Variants in SRBD1 observed in about 807,000 individuals in gnomAD.
The protein encoded by SRBD1 is S1 RNA-binding domain-containing protein 1.
In SRBD1, 88 loss-of-function variants were observed where a neutral mutation model predicts 115.3. That is an observed-to-expected ratio of 0.76 (90% CI 0.64 to 0.91). The LOEUF is 0.91. Ranked by LOEUF, SRBD1 falls within the 40% of genes least tolerant of loss-of-function variation. The pLI, the probability that SRBD1 is intolerant of heterozygous loss-of-function variation, is 0.00. For missense variants in SRBD1, 1,385 were observed against 1,177.4 expected (o/e 1.18, Z -2.58); for synonymous variants, 509 against 407.7 (o/e 1.25, Z -2.99).
Position 45,546,822 on chromosome 2 carries a change from A to T in SRBD1, c.1784T>A (p.Ile595Asn), listed in dbSNP as rs760981015. The T allele has an allele frequency of 1.2e-6, 2 of 1,614,118 alleles. No individual in the cohort carries two copies. Among genetic ancestry groups the T allele is most frequent in the South Asian group, 1.1e-5 (1 of 91,086 alleles). The change falls in exon 14 of 21, where the codon ATT becomes AAT. Residue 595 changes from isoleucine to asparagine, a missense_variant. By Grantham distance (149) the Ile-to-Asn change is moderately radical (BLOSUM62 -3). Transcript: ENST00000263736. Reference protein sequence around the residue: ...LLNFNCSTVVIGNGTACRETE... With the variant: ...LLNFNCSTVVNGNGTACRETE... ...TTCCCTGCAGGCAGTTCCATTTCCA[A>T]TCACTACTGTGCTGCAGCTTCAAGG...
intron 14 of SRBD1, among the ~76,000 whole-genome samples, chr2:45,544,008 A>G (rs575513934): frequency 6.6e-6 from 1 of 152,312 alleles, no homozygotes; most frequent in Admixed American, 6.5e-5. Flanking sequence ...GACTATATTC[A>G]TAAAAGTGCA....
At chr2:45,547,917 G>T (rs1261061535) in intron 12 of SRBD1, among the ~76,000 whole-genome samples, 2 of 152,122 alleles carry the variant, frequency 1.3e-5, no homozygotes, top group Non-Finnish European at 2.9e-5. Context: ...AACACTAACT[G>T]AATTGTTAGT....
At chr2:45,548,508 T>C (rs1229690953) in intron 12 of SRBD1, among the ~76,000 whole-genome samples, 1 of 152,094 alleles carries the variant, frequency 6.6e-6, no homozygotes, top group East Asian at 1.9e-4. Context: ...CTTAAGAATA[T>C]AGATGTGTTT....
intron 19 of SRBD1, among the ~76,000 whole-genome samples, chr2:45,396,281 A>G (rs888589651): frequency 1.3e-5 from 2 of 152,182 alleles, no homozygotes; most frequent in African/African-American, 4.8e-5. Context: ...AGAAAATAAT[A>G]CTTTTAGTAA....
chr2:45,593,414 T>C (rs912074320), intron 4 of SRBD1, among the ~76,000 whole-genome samples: 3 of 152,168 alleles, frequency 2.0e-5, no homozygotes, highest in South Asian at 2.1e-4. Flanking sequence ...CAATGAATTA[T>C]GGGGGGCGGT....
chr2:45,593,316 T>C (rs970825171), intron 4 of SRBD1, among the ~76,000 whole-genome samples: 14 of 152,162 alleles, frequency 9.2e-5, no homozygotes, highest in African/African-American at 1.9e-4. Flanking sequence ...ACAAGCTATA[T>C]AACCTCTTCA....
intron 7 of SRBD1, among the ~76,000 whole-genome samples, chr2:45,576,891 A>G (rs1260271830): frequency 6.6e-6 from 1 of 152,236 alleles, no homozygotes; most frequent in Non-Finnish European, 1.5e-5. Flanking sequence ...ATCCCCCATC[A>G]TAAGAGGGGA....
chr2:45,587,182 TA>T (rs1319636294), intron 4 of SRBD1, among the ~76,000 whole-genome samples: 3 of 145,532 alleles, frequency 2.1e-5, no homozygotes, highest in Admixed American at 6.9e-5. Flanking sequence ...TTAAAATATT[TA>T]AAAATTTTTA....
intron 10 of SRBD1, among the ~76,000 whole-genome samples, chr2:45,559,856 G>A (rs1364203940): frequency 6.6e-6 from 1 of 152,148 alleles, no homozygotes; most frequent in Admixed American, 6.5e-5. Flanking sequence ...GGAAGTTGGT[G>A]GATCACTTGA....
intron 19 of SRBD1, among the ~76,000 whole-genome samples, chr2:45,398,208 C>T (rs894957773): frequency 2.6e-5 from 4 of 151,896 alleles, no homozygotes; most frequent in Admixed American, 2.6e-4. Flanking sequence ...AAAATGTAAC[C>T]CCTTCAGAAA....
At chr2:45,542,249 C>A (rs796283919) in intron 14 of SRBD1, among the ~76,000 whole-genome samples, 18 of 152,376 alleles carry the variant, frequency 1.2e-4, no homozygotes, top group African/African-American at 4.3e-4. Flanking sequence ...CAGGTCGCAA[C>A]AGTGCCTAGG....
chr2:45,394,918 T>C (rs979611699), intron 19 of SRBD1, among the ~76,000 whole-genome samples: 1 of 152,198 alleles, frequency 6.6e-6, no homozygotes, highest in Non-Finnish European at 1.5e-5. Flanking sequence ...GATAACACTG[T>C]AAGTCTGTAT....
chr2:45,491,285 T>G (rs1670284489), intron 14 of SRBD1, among the ~76,000 whole-genome samples: 1 of 152,208 alleles, frequency 6.6e-6, no homozygotes. Flanking sequence ...AAAAATGAAC[T>G]TTATATAAAA....
chr2:45,599,970 A>G, intron 3 of SRBD1, 135 bp from the exon 4 acceptor site: 2 of 1,092,262 alleles, frequency 1.8e-6, no homozygotes, highest in Non-Finnish European at 2.5e-6. Flanking sequence ...AATTATGTTG[A>G]GTGGGAAAAA....
intron 16 of SRBD1, among the ~76,000 whole-genome samples, chr2:45,453,268 G>A (rs1484823471): frequency 3.1e-4 from 39 of 127,352 alleles, no homozygotes; most frequent in Non-Finnish European, 2.8e-4. Flanking sequence ...CTGCTATAAG[G>A]AAAAAAAAAA....
intron 16 of SRBD1, chr2:45,448,120 G>A (rs1299643943): frequency 6.6e-6 from 1 of 152,088 alleles, no homozygotes; most frequent in African/African-American, 2.4e-5. Flanking sequence ...TTCCAGAGAT[G>A]CTAAAATATA....
chr2:45,506,142 G>A (rs1173332186), intron 14 of SRBD1, among the ~76,000 whole-genome samples: 1 of 152,146 alleles, frequency 6.6e-6, no homozygotes, highest in East Asian at 1.9e-4. Context: ...AGTATTTACT[G>A]TCAAGCCATC....
intron 19 of SRBD1, among the ~76,000 whole-genome samples, chr2:45,401,147 T>C: frequency 6.6e-6 from 1 of 152,158 alleles, no homozygotes; most frequent in East Asian, 1.9e-4. Flanking sequence ...AGGTTTTAAC[T>C]ACTAACAACA....
chr2:45,602,444 G>A (rs1674124977), intron 2 of SRBD1, among the ~76,000 whole-genome samples: 1 of 152,142 alleles, frequency 6.6e-6, no homozygotes, highest in Non-Finnish European at 1.5e-5. Flanking sequence ...TTTTAACAGT[G>A]AAAAGCACTT....
Sources: gnomAD v4.1 joint callset for allele counts (sites outside exome capture counted in the v4.1 genomes callset) on GRCh38, gnomAD v4.1.1 for gene constraint, MANE v1.5 for transcripts, NCBI Gene and HGNC (gene_info 2026-07-23, HGNC 2026-07-21) for gene names.